P4HB: variants seen among roughly 807,000 people sequenced by gnomAD.
P4HB encodes the protein protein disulfide-isomerase.
A neutral mutation model predicts 52.6 loss-of-function variants in P4HB; 20 were observed. The observed-to-expected ratio is 0.38, with a 90% CI of 0.27 to 0.55. P4HB has a LOEUF of 0.55. P4HB is among the 20% of genes least tolerant of loss of function. The pLI, the probability that P4HB is intolerant of heterozygous loss-of-function variation, is 0.74. For missense variants in P4HB, 601 were observed against 669.2 expected, an observed-to-expected ratio of 0.90 and a Z score of 1.12; for synonymous variants, 296 against 277.9, an observed-to-expected ratio of 1.07 and a Z score of -0.65.
chr17:81,860,492 G>A lies in P4HB; in HGVS notation c.-21C>T, dbSNP rs2038983267. On this transcript the variant is annotated 5_prime_UTR_variant, in exon 1 of 11. Transcript: ENST00000331483. The stretch of plus-strand genomic sequence containing the variant: ...AGCATGTCGGACACGGATCAGGCGG[G>A]GCGCTTCGGTTGGCGCCGCCGGGAC... 5 of 1,253,376 alleles carry A rather than the reference G, an allele frequency of 4.0e-6. No individual in the cohort carries two copies. Among genetic ancestry groups the A allele is most frequent in the South Asian group, 3.1e-5 (1 of 31,784 alleles). 77.6% of individuals were successfully genotyped at this position (1,253,376 alleles called of 1,614,324 possible).
At chr17:81,848,921 C>T (rs2038783192) in intron 4 of P4HB, among the ~76,000 whole-genome samples, 1 of 151,270 alleles carries the variant, frequency 6.6e-6, no homozygotes, top group Admixed American at 6.6e-5. Context: ...TGGTGCACAC[C>T]TGTAATCCCA....
At chr17:81,844,823 T>A (rs2038707879) in intron 10 of P4HB, among the ~76,000 whole-genome samples, 1 of 152,282 alleles carries the variant, frequency 6.6e-6, no homozygotes, top group Admixed American at 6.5e-5. Context: ...GGGCTGGGGA[T>A]GGACCTCTGA....
rs189242233 is a variant in P4HB, at chr17:81,859,584, C to T, written c.146-197G>A. 1,244 of 588,268 alleles carry T rather than the reference C, an allele frequency of 2.1e-3. 2 individuals carry two copies. Among genetic ancestry groups the T allele is most frequent in the Admixed American group, 4.1e-3 (137 of 33,660 alleles). The allele number at this position is 588,268 out of a possible 1,614,324, so 36.4% of individuals were successfully genotyped here. On this transcript the variant is annotated intron_variant, in intron 1 of 10. Transcript: ENST00000331483. The stretch of plus-strand genomic sequence containing the variant: ...GCAATATCAGGACAGAGGCCGTGAA[C>T]GACAAACTACCACCAACCAACACCA...
chr17:81,855,435 G>T lies in P4HB; in HGVS notation c.486+18C>A. The T allele has an allele frequency of 6.2e-7, 1 of 1,603,696 alleles. No homozygotes were observed. ...TGGATGACGGAAGGAAGGAAGACTG[G>T]AATGCTCTGGTCTCTACCTTGAAGA... On this transcript the variant is annotated intron_variant, in intron 3 of 10. Coordinates refer to ENST00000331483, the MANE Select transcript of P4HB (RefSeq NM_000918.4). The surrounding 1 kb of genome is among the most constrained non-coding windows in gnomAD (Gnocchi z 4.3).
chr17:81,844,380 G>A (rs1018360114), intron 10 of P4HB, among the ~76,000 whole-genome samples: 12 of 152,186 alleles, frequency 7.9e-5, no homozygotes, highest in African/African-American at 2.9e-4. Flanking sequence ...GGCATGGAAG[G>A]CGTATGTGTG....
chr17:81,846,753 C>T lies in P4HB; in HGVS notation c.856-124G>A, dbSNP rs963420048. On this transcript the variant is annotated intron_variant, in intron 6 of 10. Transcript: ENST00000331483. The surrounding 1 kb of genome is among the most constrained non-coding windows in gnomAD (Gnocchi z 5.7). ...TCCTCCAACCTGGATTCCGGGGTTG[C>T]CCAACCAGACCAGCAGGTGACTGGG... The T allele has an allele frequency of 3.3e-6, 4 of 1,216,558 alleles. No individual in the cohort carries two copies. Among genetic ancestry groups the T allele is most frequent in the Non-Finnish European group, 4.7e-6 (4 of 851,874 alleles). 75.4% of individuals were successfully genotyped at this position (1,216,558 alleles called of 1,614,324 possible). A position where few individuals can be genotyped will look rare whatever the true frequency, so the allele number is the denominator to read the frequency against.
chr17:81,856,538 T>C (rs1380042793), intron 2 of P4HB, among the ~76,000 whole-genome samples: 1 of 150,778 alleles, frequency 6.6e-6, no homozygotes, highest in Admixed American at 6.6e-5. Context: ...GGGTTCCCCA[T>C]GTTGGCCAGG....
chr17:81,846,378 A>G lies in P4HB; in HGVS notation c.1056+51T>C, dbSNP rs1169364572. On this transcript the variant is annotated intron_variant, in intron 7 of 10. Transcript: ENST00000331483. This position sits in a 1 kb window ranked among gnomAD's most constrained non-coding sequence, Gnocchi z 5.7. ...GGACACTGAGAGCCCAGAGACCCCAAGGTGGCGGCTCTACCCGGGAGGCAG... is the reference window on the plus strand; with the variant it reads ...GGACACTGAGAGCCCAGAGACCCCAGGGTGGCGGCTCTACCCGGGAGGCAG... 5 of 1,531,806 alleles carry G rather than the reference A, an allele frequency of 3.3e-6. No individual in the cohort carries two copies. The highest frequency in any genetic ancestry group is 3.3e-5 in the Admixed American group (2 of 59,846). The allele number at this position is 1,531,806 out of a possible 1,614,324, so 94.9% of individuals were successfully genotyped here.
In P4HB at chr17:81,847,595, C is replaced by A. The variant is rs540394916; in HGVS notation, c.625-248G>T. ...TCACATCCACAATGCAAGCCTGGCG[C>A]ACGTGGTCCTCCAGCAACCTTGAAG... On this transcript the variant is annotated intron_variant, in intron 4 of 10. Coordinates refer to ENST00000331483, the MANE Select transcript of P4HB (RefSeq NM_000918.4). 1.2e-4 allele frequency: 65 copies of A among 547,884 alleles called. 1 individual carries two copies. The South Asian group carries it at 1.4e-3, about 12-fold the overall frequency. The allele number at this position is 547,884 out of a possible 1,614,324, so 33.9% of individuals were successfully genotyped here. A position where few individuals can be genotyped will look rare whatever the true frequency, so the allele number is the denominator to read the frequency against.
rs199842092 is a variant in P4HB, at chr17:81,843,991, G to A, written c.*21C>T. Reference sequence around the variant, plus strand: ...GCAGCCCCCGAGGGGTCTCGGCAGCGCCCGGGTCTGGCTTTGCGTATTACA... The same window carrying A: ...GCAGCCCCCGAGGGGTCTCGGCAGCACCCGGGTCTGGCTTTGCGTATTACA... On this transcript the variant is annotated 3_prime_UTR_variant, in exon 11 of 11. Transcript: ENST00000331483. 2.9e-5 allele frequency: 46 copies of A among 1,588,854 alleles called. No individual in the cohort carries two copies. The highest frequency in any genetic ancestry group is 8.9e-5 in the East Asian group (4 of 44,744).
rs759194769 is a variant in P4HB at position 81,855,632 on chromosome 17, G to A, written c.353-46C>T. On this transcript the variant is annotated intron_variant, in intron 2 of 10. Transcript: ENST00000331483. The surrounding 1 kb of genome is among the most constrained non-coding windows in gnomAD (Gnocchi z 4.3). ...GTTCTACTCTCAAACAGGGAGTGCC[G>A]CCTGCCCTGCCGCGCCTGCTCCCGT... 1.6e-5 allele frequency: 25 copies of A among 1,580,614 alleles called. No homozygotes were observed. The highest frequency in any genetic ancestry group is 1.0e-4 in the South Asian group (9 of 87,078).
intron 4 of P4HB, among the ~76,000 whole-genome samples, chr17:81,850,279 C>A (rs188487346): frequency 6.6e-6 from 1 of 151,380 alleles, no homozygotes. Flanking sequence ...ATTACAGGTA[C>A]GCGCCACCAC....
intron 2 of P4HB, chr17:81,858,975 T>C (rs1202269385): frequency 3.4e-6 from 2 of 580,942 alleles, no homozygotes; most frequent in Admixed American, 3.0e-5. Flanking sequence ...ACAAGACAGG[T>C]TCTCCATTCG....
At chr17:81,845,467 G>T (rs748173999) in intron 9 of P4HB, 94 bp downstream of exon 9, 1 of 1,266,894 alleles carries the variant, frequency 7.9e-7, no homozygotes, top group Non-Finnish European at 1.1e-6. Flanking sequence ...CACCTGACTA[G>T]CCCCAGGCTC....
At chr17:81,858,907 C>T (rs559423138) in intron 2 of P4HB, 175 of 454,964 alleles carry the variant, frequency 3.8e-4, no homozygotes, top group Middle Eastern at 1.8e-3. Context: ...CAGTCTCCCT[C>T]TCCTCGCTGG....
chr17:81,843,320 C>T lies in P4HB; in HGVS notation c.*692G>A, dbSNP rs1209682553. 9 of 395,616 alleles carry T rather than the reference C, an allele frequency of 2.3e-5. No homozygotes were observed. The highest frequency in any genetic ancestry group is 1.3e-3 in the Middle Eastern group (2 of 1,596). 24.5% of individuals were successfully genotyped at this position (395,616 alleles called of 1,614,324 possible). A position where few individuals can be genotyped will look rare whatever the true frequency, so the allele number is the denominator to read the frequency against. On this transcript the variant is annotated 3_prime_UTR_variant, in exon 11 of 11. Transcript: ENST00000331483. ...GTTCTGCCTTGAACAGGCCACAGGC[C>T]GTGCTGTAGAGAGGCCAGTGGTCAC...
At position 81,860,499 on chromosome 17, in the gene P4HB, C is replaced by G. The variant is rs534038521; in HGVS notation, c.-28G>C. ...CGGACACGGATCAGGCGGGGCGCTT[C>G]GGTTGGCGCCGCCGGGACAGCGGGG... is the stretch of plus-strand genomic sequence containing the variant. On this transcript the variant is annotated 5_prime_UTR_variant, in exon 1 of 11. Transcript: ENST00000331483. The G allele has an allele frequency of 3.8e-5, 47 of 1,244,778 alleles. No individual in the cohort carries two copies. In the African/African-American group the frequency reaches 7.0e-4, roughly 19 times the overall value. The allele number at this position is 1,244,778 out of a possible 1,614,324, so 77.1% of individuals were successfully genotyped here.
chr17:81,855,005 C>A lies in P4HB; in HGVS notation c.624+137G>T. 2.4e-6 allele frequency: 2 copies of A among 834,660 alleles called. No individual in the cohort carries two copies. The highest frequency in any genetic ancestry group is 4.0e-6 in the Non-Finnish European group (2 of 506,054). The allele number at this position is 834,660 out of a possible 1,614,324, so 51.7% of individuals were successfully genotyped here. ...CACAGGCATCAGCGCAACACCCCAACTTGGCAAAGCTGCAGAACATACCTA... is the reference window on the plus strand; with the variant it reads ...CACAGGCATCAGCGCAACACCCCAAATTGGCAAAGCTGCAGAACATACCTA... On this transcript the variant is annotated intron_variant, in intron 4 of 10. Transcript: ENST00000331483. The surrounding 1 kb of genome is among the most constrained non-coding windows in gnomAD (Gnocchi z 4.3).
At chr17:81,847,594 G>A (rs1294529035) in intron 4 of P4HB, 3 of 553,330 alleles carry the variant, frequency 5.4e-6, no homozygotes, top group East Asian at 6.1e-5. Flanking sequence ...CAAGCCTGGC[G>A]CACGTGGTCC....
Sources: gnomAD v4.1 joint callset for allele counts (sites outside exome capture counted in the v4.1 genomes callset) on GRCh38, gnomAD v4.1.1 for gene constraint, Gnocchi (gnomAD v3.1) non-coding constraint, MANE v1.5 for transcripts, NCBI Gene and HGNC (gene_info 2026-07-23, HGNC 2026-07-21) for gene names.